DLG2: variants seen among roughly 807,000 people sequenced by gnomAD.
DLG2 encodes discs large MAGUK scaffold protein 2.
DLG2 carries 45 observed loss-of-function variants against 132.5 expected under a neutral mutation model. The ratio of observed to expected loss-of-function variants is 0.34; its 90% CI spans 0.27 to 0.44. The LOEUF (loss-of-function observed/expected upper bound fraction) is 0.44. Ranked by LOEUF, DLG2 falls within the 20% of genes least tolerant of loss-of-function variation. The pLI is 1.00. For missense variants in DLG2, 1,045 were observed against 1,196.9 expected (o/e 0.87, Z 1.87); for synonymous variants, 424 against 419.6 (o/e 1.01, Z -0.13).
At chr11:84,647,220 C>A (rs1373052466) in intron 6 of DLG2, among the ~76,000 whole-genome samples, 2 of 152,076 alleles carry the variant, frequency 1.3e-5, no homozygotes, top group Non-Finnish European at 2.9e-5. Context: ...AAGGTACGTA[C>A]AATTATGCCA....
At chr11:84,107,801 G>T (rs949243419) in intron 9 of DLG2, among the ~76,000 whole-genome samples, 2 of 152,128 alleles carry the variant, frequency 1.3e-5, no homozygotes, top group African/African-American at 4.8e-5. Flanking sequence ...TTAGAAGTCA[G>T]GACATCAGAG....
rs142383803 is a variant in DLG2 at position 85,320,109 on chromosome 11, T to G, written c.41-34744A>C. On this transcript the variant is annotated intron_variant, in intron 3 of 27. Transcript: ENST00000376104. ...CATGTGCTAGCAGCACATGCCATCTTATAGACTACATCCCTCAGCATCATC... is the reference window on the plus strand; with the variant it reads ...CATGTGCTAGCAGCACATGCCATCTGATAGACTACATCCCTCAGCATCATC... Among the ~76,000 whole-genome samples the G allele has an allele frequency of 3.3e-5, 5 of 152,006 alleles. No homozygotes were observed. In the East Asian group the frequency reaches 9.7e-4, roughly 29 times the overall value.
In DLG2 at chr11:84,598,485, T is replaced by A. The variant is rs1256944752; in HGVS notation, c.358-63754A>T. 4.6e-5 allele frequency among the ~76,000 whole-genome samples: 7 copies of A among 152,348 alleles called. No homozygotes were observed. The East Asian group carries it at 1.3e-3, about 29-fold the overall frequency. On this transcript the variant is annotated intron_variant, in intron 6 of 27. Coordinates refer to ENST00000376104, the MANE Select transcript of DLG2 (RefSeq NM_001142699.3). ...GCTTATTTCCCTAATCCAACTCAGC[T>A]ATTTTACATTTTATCTAATCCTATT...
chr11:85,257,493 T>C (rs568153714), intron 4 of DLG2, among the ~76,000 whole-genome samples: 2 of 152,324 alleles, frequency 1.3e-5, no homozygotes, highest in East Asian at 3.9e-4. Flanking sequence ...CAGGTATGTC[T>C]GTGAAAAATG....
At chr11:84,847,027 C>G (rs141038659) in intron 6 of DLG2, among the ~76,000 whole-genome samples, 1 of 152,046 alleles carries the variant, frequency 6.6e-6, no homozygotes, top group Non-Finnish European at 1.5e-5. Context: ...TAGAGACCCT[C>G]AGAAGAATTT....
At chr11:84,162,509 CT>C (rs898690470) in intron 9 of DLG2, among the ~76,000 whole-genome samples, 2 of 151,580 alleles carry the variant, frequency 1.3e-5, no homozygotes, top group Non-Finnish European at 2.9e-5. Flanking sequence ...ACACATTATC[CT>C]TTTTTGTTTA....
chr11:84,503,111 T>C (rs1271905529), intron 7 of DLG2, among the ~76,000 whole-genome samples: 1 of 152,196 alleles, frequency 6.6e-6, no homozygotes, highest in Non-Finnish European at 1.5e-5. Flanking sequence ...ATGTTAGTGG[T>C]ATAGAACAGA....
At chr11:85,612,095 G>C (rs1048545571) in intron 2 of DLG2, among the ~76,000 whole-genome samples, 3 of 152,186 alleles carry the variant, frequency 2.0e-5, no homozygotes, top group African/African-American at 7.2e-5. Flanking sequence ...AAAAAACAGT[G>C]TACCCTATTC....
intron 12 of DLG2, among the ~76,000 whole-genome samples, chr11:83,971,692 A>G (rs1016815461): frequency 9.9e-5 from 15 of 152,176 alleles, no homozygotes; most frequent in African/African-American, 3.6e-4. Flanking sequence ...AGAAAACTCT[A>G]AAGTTAACTT....
chr11:84,383,103 T>C lies in DLG2; in HGVS notation c.520-131812A>G, dbSNP rs11234004. 4.8e-3 allele frequency among the ~76,000 whole-genome samples: 731 copies of C among 152,178 alleles called. 1 individual carries two copies. Among genetic ancestry groups the C allele is most frequent in the Non-Finnish European group, 7.6e-3 (515 of 67,982 alleles). On this transcript the variant is annotated intron_variant, in intron 7 of 27. Transcript: ENST00000376104. ...TTCCCTTGGCTTTTGGCATACTCCTTAATTCACAAAAGAAGGCCCTTTGTG... is the reference window on the plus strand; with the variant it reads ...TTCCCTTGGCTTTTGGCATACTCCTCAATTCACAAAAGAAGGCCCTTTGTG...
chr11:84,898,799 T>C (rs2090524540), intron 6 of DLG2, among the ~76,000 whole-genome samples: 1 of 152,016 alleles, frequency 6.6e-6, no homozygotes, highest in African/African-American at 2.4e-5. Flanking sequence ...GCTTAAAACA[T>C]CACTTCCTTC....
At chr11:84,720,336 G>A in intron 6 of DLG2, 4 of 985,506 alleles carry the variant, frequency 4.1e-6, no homozygotes, top group Non-Finnish European at 4.8e-6. Flanking sequence ...GTTGGTGCAA[G>A]CAACTTTGCA....
intron 9 of DLG2, among the ~76,000 whole-genome samples, chr11:84,100,592 C>G (rs1268893418): frequency 6.6e-6 from 1 of 151,850 alleles, no homozygotes; most frequent in Admixed American, 6.6e-5. Flanking sequence ...TCACATATTA[C>G]TTATTTAACC....
At chr11:85,024,638 T>A (rs1274361225) in intron 6 of DLG2, among the ~76,000 whole-genome samples, 1 of 152,212 alleles carries the variant, frequency 6.6e-6, no homozygotes. Flanking sequence ...GTGCCAGTTG[T>A]TAGCAGAGAA....
At chr11:84,468,259 G>A (rs1277530232) in intron 7 of DLG2, among the ~76,000 whole-genome samples, 1 of 151,478 alleles carries the variant, frequency 6.6e-6, no homozygotes, top group African/African-American at 2.4e-5. Flanking sequence ...TAGTGCACAT[G>A]TGATTAAGTA....
intron 6 of DLG2, among the ~76,000 whole-genome samples, chr11:84,855,673 G>T (rs759008788): frequency 5.3e-5 from 8 of 152,036 alleles, no homozygotes; most frequent in Non-Finnish European, 7.4e-5. Context: ...GTTAGGGCTA[G>T]GAGTTACACT....
At chr11:83,481,982 C>T (rs965735061) in intron 22 of DLG2, among the ~76,000 whole-genome samples, 1 of 151,982 alleles carries the variant, frequency 6.6e-6, no homozygotes, top group African/African-American at 2.4e-5. Flanking sequence ...TGTTTCTTTT[C>T]CCTCTCAAAT....
intron 18 of DLG2, among the ~76,000 whole-genome samples, chr11:83,701,961 T>C (rs1289020406): frequency 6.6e-6 from 1 of 152,240 alleles, no homozygotes; most frequent in Non-Finnish European, 1.5e-5. Context: ...ATAGTCAGCA[T>C]TGCCCTGCTA....
At chr11:83,703,658 T>A (rs1057227045) in intron 18 of DLG2, among the ~76,000 whole-genome samples, 7 of 152,054 alleles carry the variant, frequency 4.6e-5, no homozygotes, top group Non-Finnish European at 8.8e-5. Context: ...TCAAAAAAAA[T>A]CAACAAAAAC....
Sources: allele counts gnomAD v4.1 joint callset (sites outside exome capture counted in the v4.1 genomes callset), GRCh38; gene constraint gnomAD v4.1.1; transcripts MANE v1.5; gene names NCBI Gene and HGNC (gene_info 2026-07-23, HGNC 2026-07-21).